Variants in DISC1 observed in about 807,000 individuals in gnomAD.
DISC1 encodes DISC1 scaffold protein.
A neutral mutation model predicts 84.5 loss-of-function variants in DISC1; 57 were observed. The observed-to-expected ratio is 0.67, with a 90% CI of 0.55 to 0.84. The LOEUF (loss-of-function observed/expected upper bound fraction) is 0.84, where lower values mean the gene tolerates loss of function less well. Among genes scored for constraint, DISC1 ranks in the 40% least tolerant of loss-of-function variants. The pLI is 0.00. For synonymous variants in DISC1, 411 were observed against 415.2 expected, an observed-to-expected ratio of 0.99 and a Z score of 0.12; for missense variants, 1,000 against 1,057.8, an observed-to-expected ratio of 0.95 and a Z score of 0.76.
Position 231,818,263 on chromosome 1 carries a change from G to A in DISC1, c.1793-66G>A, listed in dbSNP as rs2081228893. ...TGTGAATGTACATTAGCTGCTGCTA[G>A]ATCTTCCATGTGTGTGGATGCTGTA... On this transcript the variant is annotated intron_variant, in intron 8 of 12. Coordinates refer to ENST00000439617, the MANE Select transcript of DISC1 (RefSeq NM_018662.3). 4 of 1,503,376 alleles carry A rather than the reference G, an allele frequency of 2.7e-6. No homozygotes were observed. In the East Asian group the frequency reaches 6.8e-5, roughly 25 times the overall value. 93.1% of individuals were successfully genotyped at this position (1,503,376 alleles called of 1,614,324 possible). A position where few individuals can be genotyped will look rare whatever the true frequency, so the allele number is the denominator to read the frequency against.
intron 3 of DISC1, among the ~76,000 whole-genome samples, chr1:231,703,003 G>A (rs900070258): frequency 2.0e-5 from 3 of 152,184 alleles, no homozygotes; most frequent in African/African-American, 2.4e-5. Flanking sequence ...TTTAAGGCAT[G>A]GGTCTTCAGC....
At chr1:231,716,403 T>G (rs748467342) in intron 3 of DISC1, among the ~76,000 whole-genome samples, 31 of 152,218 alleles carry the variant, frequency 2.0e-4, no homozygotes, top group Non-Finnish European at 4.3e-4. Flanking sequence ...ATTTAAAGCT[T>G]GACTACTCTT....
In DISC1 at chr1:231,694,596, G is replaced by A; in HGVS notation, c.838G>A (p.Ala280Thr). The change falls in exon 2 of 13, where the codon GCC becomes ACC. Residue 280 changes from alanine to threonine, a missense_variant. Ala to Thr is a moderately conservative substitution (Grantham distance 58). Around this residue, in one of 3 missense-constraint regions of DISC1, gnomAD observed 311 missense variants for 400.1 expected, o/e 0.78. Coordinates refer to ENST00000439617, the MANE Select transcript of DISC1 (RefSeq NM_018662.3). ...ATRVSADLAQ[A>T]ARNSSRPERD... ...ACGGGTCTCTGCAGACTTGGCCCAGGCCGCAAGGAACAGCTCCAGGCCAGA... is the reference window on the plus strand; with the variant it reads ...ACGGGTCTCTGCAGACTTGGCCCAGACCGCAAGGAACAGCTCCAGGCCAGA... 1 of 1,614,264 alleles carries A rather than the reference G, an allele frequency of 6.2e-7. No individual in the cohort carries two copies. Among genetic ancestry groups the A allele is most frequent in the Non-Finnish European group, 8.5e-7 (1 of 1,180,048 alleles).
At chr1:231,702,622 T>G in intron 3 of DISC1, 1 of 983,896 alleles carries the variant, frequency 1.0e-6, no homozygotes, top group East Asian at 1.1e-4. Flanking sequence ...GAGGGACTGA[T>G]CTGAGGCCAG....
intron 4 of DISC1, among the ~76,000 whole-genome samples, chr1:231,752,464 C>A (rs2074710144): frequency 6.6e-6 from 1 of 152,114 alleles, no homozygotes; most frequent in Non-Finnish European, 1.5e-5. Flanking sequence ...GAGAATAGCA[C>A]CAGAGGATGG....
At chr1:232,029,927 A>G (rs184709580) in intron 12 of DISC1, among the ~76,000 whole-genome samples, 12 of 152,348 alleles carry the variant, frequency 7.9e-5, no homozygotes, top group Admixed American at 7.8e-4. Context: ...TTTATTAAGA[A>G]GACACTGATT....
intron 9 of DISC1, among the ~76,000 whole-genome samples, chr1:231,834,558 C>T (rs1288499866): frequency 6.6e-6 from 1 of 152,090 alleles, no homozygotes; most frequent in South Asian, 2.1e-4. Context: ...GAACCACTGT[C>T]GAGTTTGCAT....
At chr1:231,816,712 A>G (rs954598111) in intron 8 of DISC1, among the ~76,000 whole-genome samples, 6 of 152,158 alleles carry the variant, frequency 3.9e-5, no homozygotes, top group Non-Finnish European at 8.8e-5. Flanking sequence ...TTGGCTGTAT[A>G]TGTGTTAATC....
At chr1:231,637,536 C>G (rs1246513515) in intron 1 of DISC1, among the ~76,000 whole-genome samples, 1 of 152,210 alleles carries the variant, frequency 6.6e-6, no homozygotes, top group Non-Finnish European at 1.5e-5. Flanking sequence ...TGTTATTCCA[C>G]TTTCTACATC....
intron 2 of DISC1, among the ~76,000 whole-genome samples, chr1:231,700,125 C>T (rs920877029): frequency 1.3e-5 from 2 of 152,158 alleles, no homozygotes; most frequent in African/African-American, 2.4e-5. Context: ...ATCCCCATAA[C>T]GTGGTTCTCC....
chr1:231,868,736 T>TATATATATATATATATATA (rs2085246169), intron 9 of DISC1, among the ~76,000 whole-genome samples: 4 of 108,322 alleles, frequency 3.7e-5, no homozygotes, highest in East Asian at 2.6e-4. Flanking sequence ...ATATATATAT[T>TATATATATATATATATATA]TAGCTGGGCA....
chr1:231,722,864 G>T, intron 3 of DISC1: 1 of 1,396,402 alleles, frequency 7.2e-7, no homozygotes. Context: ...CCAGTCCCCT[G>T]TCATGGCATG....
At chr1:231,651,199 G>T (rs2060594219) in intron 1 of DISC1, among the ~76,000 whole-genome samples, 1 of 152,154 alleles carries the variant, frequency 6.6e-6, no homozygotes, top group South Asian at 2.1e-4. Flanking sequence ...CATCTTTGTG[G>T]TTTTATCTAC....
At chr1:231,733,401 G>A (rs1425357945) in intron 3 of DISC1, among the ~76,000 whole-genome samples, 5 of 151,390 alleles carry the variant, frequency 3.3e-5, no homozygotes, top group Non-Finnish European at 7.4e-5. Context: ...TAGGAGTACT[G>A]GTGACTGTAG....
At chr1:231,969,650 G>A (rs1406974366) in intron 10 of DISC1, among the ~76,000 whole-genome samples, 8 of 148,026 alleles carry the variant, frequency 5.4e-5, no homozygotes, top group Non-Finnish European at 1.0e-4. Flanking sequence ...TGCACAACTT[G>A]CAGGTTTGTT....
chr1:231,841,294 A>G (rs2083042030), intron 9 of DISC1, among the ~76,000 whole-genome samples: 4 of 152,238 alleles, frequency 2.6e-5, no homozygotes, highest in Admixed American at 2.6e-4. Context: ...ATTATTATTG[A>G]CTAAGCAGAG....
At chr1:231,842,539 G>A (rs188871960) in intron 9 of DISC1, among the ~76,000 whole-genome samples, 2 of 152,276 alleles carry the variant, frequency 1.3e-5, no homozygotes, top group Admixed American at 1.3e-4. Context: ...TATTATTTGA[G>A]TTATTCCTTA....
Position 231,972,022 on chromosome 1 carries a change from G to A in DISC1, c.2042+13134G>A, listed in dbSNP as rs191224505. Among the ~76,000 whole-genome samples the A allele has an allele frequency of 4.3e-4, 66 of 152,290 alleles. No homozygotes were observed. In the East Asian group the frequency reaches 0.012, roughly 28 times the overall value. ...AAATGGGAAAATAACGAACATGCTG[G>A]TTATCAGCTGTGGTTTTGCAATGGA... On this transcript the variant is annotated intron_variant, in intron 10 of 12. Transcript: ENST00000439617.
At chr1:231,779,246 T>TG (rs1573748131) in intron 6 of DISC1, among the ~76,000 whole-genome samples, 1 of 152,224 alleles carries the variant, frequency 6.6e-6, no homozygotes, top group Non-Finnish European at 1.5e-5. Flanking sequence ...TTCCACCAGC[T>TG]GTAACTGCAG....
Sources: gnomAD v4.1 joint callset for allele counts (sites outside exome capture counted in the v4.1 genomes callset) on GRCh38, gnomAD v4.1.1 for gene constraint, gnomAD v4.1.1 regional missense constraint, MANE v1.5 for transcripts, NCBI Gene and HGNC (gene_info 2026-07-23, HGNC 2026-07-21) for gene names.